Variants in C15orf61 observed in about 807,000 individuals in gnomAD.
C15orf61 encodes the protein uncharacterized protein C15orf61.
C15orf61 carries 12 observed loss-of-function variants against 13.7 expected under a neutral mutation model. The observed-to-expected ratio is 0.88, with a 90% CI of 0.56 to 1.42. C15orf61 has a LOEUF of 1.42. C15orf61 is among the 40% of genes most tolerant of loss of function. The pLI is 0.00. For missense variants in C15orf61, 248 were observed against 213.2 expected (o/e 1.16, Z -1.02); for synonymous variants, 92 against 94.1 (o/e 0.98, Z 0.13).
At chr15:67,522,361 C>G (rs1311188083) in intron 1 of C15orf61, 2 of 649,622 alleles carry the variant, frequency 3.1e-6, no homozygotes, top group Non-Finnish European at 5.5e-6. Context: ...GATTCAAAAT[C>G]TAGCCATGGA....
chr15:67,525,836 AC>A lies in C15orf61; in HGVS notation c.347-578del, dbSNP rs1357226765. Among the ~76,000 whole-genome samples, 1 of 152,146 alleles carries A rather than the reference AC, an allele frequency of 6.6e-6. No individual in the cohort carries two copies. The highest frequency in any genetic ancestry group is 2.4e-5 in the African/African-American group (1 of 41,438). ...AGACCATCCTGGCCAACATGGTGAA[AC>A]CCCATCTCTACTAAAAAAGTACAAA... On this transcript the variant is annotated intron_variant, in intron 1 of 1. Coordinates refer to ENST00000342683, the MANE Select transcript of C15orf61 (RefSeq NM_001143936.2). The surrounding 1 kb of genome is among the most constrained non-coding windows in gnomAD (Gnocchi z 4.9).
In C15orf61 at chr15:67,522,067, A is replaced by G. The variant is rs1445887453; in HGVS notation, c.346+473A>G. On this transcript the variant is annotated intron_variant, in intron 1 of 1. Coordinates refer to ENST00000342683, the MANE Select transcript of C15orf61 (RefSeq NM_001143936.2). Reference sequence around the variant, plus strand: ...GTTTTCTTTGTATGAATTCCCGGCAAGTTCGTTTTACTAAAAGCACCAAAG... The same window carrying G: ...GTTTTCTTTGTATGAATTCCCGGCAGGTTCGTTTTACTAAAAGCACCAAAG... 28 of 701,200 alleles carry G rather than the reference A, an allele frequency of 4.0e-5. No homozygotes were observed. In the East Asian group the frequency reaches 6.7e-4, roughly 17 times the overall value. The allele number at this position is 701,200 out of a possible 1,614,324, so 43.4% of individuals were successfully genotyped here. A position where few individuals can be genotyped will look rare whatever the true frequency, so the allele number is the denominator to read the frequency against.
Position 67,526,352 on chromosome 15 carries a change from A to G in C15orf61, c.347-66A>G, listed in dbSNP as rs908168305. The G allele has an allele frequency of 4.9e-6, 5 of 1,019,482 alleles. No individual in the cohort carries two copies. The African/African-American group carries it at 8.1e-5, about 17-fold the overall frequency. 63.2% of individuals were successfully genotyped at this position (1,019,482 alleles called of 1,614,324 possible). ...TTTGTTAACATTGCTGAAGAGTGTT[A>G]TACGTGATCAGTAACTTGCATGATT... On this transcript the variant is annotated intron_variant, in intron 1 of 1. Transcript: ENST00000342683.
At chr15:67,521,750 C>G in intron 1 of C15orf61, 156 bp downstream of exon 1, 1 of 793,608 alleles carries the variant, frequency 1.3e-6, no homozygotes, top group East Asian at 2.7e-5. Flanking sequence ...CTTTGTACTC[C>G]TCGCCCAGGG....
In C15orf61 at chr15:67,529,813, C is replaced by A. The variant is rs896338439; in HGVS notation, c.*3268C>A. 2.6e-5 allele frequency: 4 copies of A among 152,218 alleles called. No individual in the cohort carries two copies. Among genetic ancestry groups the A allele is most frequent in the African/African-American group, 9.6e-5 (4 of 41,452 alleles). 9.4% of individuals were successfully genotyped at this position (152,218 alleles called of 1,614,324 possible). A position where few individuals can be genotyped will look rare whatever the true frequency, so the allele number is the denominator to read the frequency against. ...ACCCAAAACTGTAAGCATAGAACAT[C>A]TATAGTTCTTCATGAAATATCTTTT... is the stretch of plus-strand genomic sequence containing the variant. On this transcript the variant is annotated 3_prime_UTR_variant, in exon 2 of 2. Transcript: ENST00000342683. This position sits in a 1 kb window ranked among gnomAD's most constrained non-coding sequence, Gnocchi z 4.4.
chr15:67,522,417 A>G (rs569013306), intron 1 of C15orf61, among the ~76,000 whole-genome samples: 1 of 152,360 alleles, frequency 6.6e-6, no homozygotes, highest in South Asian at 2.1e-4. Context: ...AGCCAGGATT[A>G]AAACTAAACC....
Position 67,526,445 on chromosome 15 carries a change from G to T in C15orf61, c.374G>T (p.Gly125Val). 3 of 1,533,456 alleles carry T rather than the reference G, an allele frequency of 2.0e-6. No homozygotes were observed. Among genetic ancestry groups the T allele is most frequent in the Non-Finnish European group, 2.7e-6 (3 of 1,131,320 alleles). 95.0% of individuals were successfully genotyped at this position (1,533,456 alleles called of 1,614,324 possible). A position where few individuals can be genotyped will look rare whatever the true frequency, so the allele number is the denominator to read the frequency against. ...ATTCCAACTTTATTATATGGACTTG[G>T]CTCCTGGTTATTTGCCAGAGTCACA... ...LGIPTLLYGL[G>V]SWLFARVTET... The change falls in exon 2 of 2, where the codon GGC (glycine) becomes GTC (valine). Residue 125 changes from glycine to valine, a missense_variant. By Grantham distance (109) the Gly-to-Val change is moderately radical (BLOSUM62 -3). Coordinates refer to ENST00000342683, the MANE Select transcript of C15orf61 (RefSeq NM_001143936.2).
At chr15:67,524,398 T>C (rs1256780202) in intron 1 of C15orf61, among the ~76,000 whole-genome samples, 4 of 152,166 alleles carry the variant, frequency 2.6e-5, no homozygotes, top group Non-Finnish European at 5.9e-5. Flanking sequence ...CCTTTTTTTT[T>C]CTTTGTGGTT....
chr15:67,523,896 A>G (rs1049385687), intron 1 of C15orf61, among the ~76,000 whole-genome samples: 2 of 152,230 alleles, frequency 1.3e-5, no homozygotes, highest in African/African-American at 4.8e-5. Context: ...GACTCAGATC[A>G]TAACTCCATC....
At chr15:67,523,397 C>T (rs2084179905) in intron 1 of C15orf61, among the ~76,000 whole-genome samples, 1 of 152,190 alleles carries the variant, frequency 6.6e-6, no homozygotes, top group East Asian at 1.9e-4. Context: ...TCTTCCCTTC[C>T]AAATTCATTT....
In C15orf61 at chr15:67,526,652, C is replaced by A; in HGVS notation, c.*107C>A. ...AACTTTTGCAAATACTTTTTTCTTT[C>A]TACAGTATCTGCTTCTTTAAGATGA... On this transcript the variant is annotated 3_prime_UTR_variant, in exon 2 of 2. Coordinates refer to ENST00000342683, the MANE Select transcript of C15orf61 (RefSeq NM_001143936.2). The A allele has an allele frequency of 1.8e-6, 2 of 1,127,342 alleles. No individual in the cohort carries two copies. Among genetic ancestry groups the A allele is most frequent in the Non-Finnish European group, 2.4e-6 (2 of 842,966 alleles). The allele number at this position is 1,127,342 out of a possible 1,614,324, so 69.8% of individuals were successfully genotyped here. A position where few individuals can be genotyped will look rare whatever the true frequency, so the allele number is the denominator to read the frequency against.
rs747957016 is a variant in C15orf61 at position 67,527,476 on chromosome 15, G to A, written c.*931G>A. 8 of 152,022 alleles carry A rather than the reference G, an allele frequency of 5.3e-5. No homozygotes were observed. Among genetic ancestry groups the A allele is most frequent in the Admixed American group, 2.0e-4 (3 of 15,266 alleles). The allele number at this position is 152,022 out of a possible 1,614,324, so 9.4% of individuals were successfully genotyped here. A position where few individuals can be genotyped will look rare whatever the true frequency, so the allele number is the denominator to read the frequency against. ...GTAGTCACAAAATACCCAGATGAAT[G>A]GTAAATTTCAGACATTTGGAGTAAT... On this transcript the variant is annotated 3_prime_UTR_variant, in exon 2 of 2. Transcript: ENST00000342683.
Position 67,523,801 on chromosome 15 carries a change from A to G in C15orf61, c.346+2207A>G, listed in dbSNP as rs572811670. ...AAAGATTTTGTAATATATAAGTTAT[A>G]TAGGTGGCAAACCTTCCCATTTTGA... On this transcript the variant is annotated intron_variant, in intron 1 of 1. Transcript: ENST00000342683. Among the ~76,000 whole-genome samples, 51 of 152,342 alleles carry G rather than the reference A, an allele frequency of 3.3e-4. No homozygotes were observed. In the South Asian group the frequency reaches 0.011, roughly 32 times the overall value.
chr15:67,521,197 CTTGCGCGCCA>C lies in C15orf61; in HGVS notation c.-51_-42del. On this transcript the variant is annotated 5_prime_UTR_variant, in exon 1 of 2. Coordinates refer to ENST00000342683, the MANE Select transcript of C15orf61 (RefSeq NM_001143936.2). ...TTCCCGGCGCTCGCCCGGGGGCGCG[CTTGCGCGCCA>C]GCGGCTGCGGACACCAGCCTGCGTC... 1.7e-6 allele frequency: 2 copies of C among 1,156,012 alleles called. No individual in the cohort carries two copies. Among genetic ancestry groups the C allele is most frequent in the Non-Finnish European group, 1.1e-6 (1 of 927,232 alleles). The allele number at this position is 1,156,012 out of a possible 1,614,324, so 71.6% of individuals were successfully genotyped here.
At position 67,521,321 on chromosome 15, in the gene C15orf61, G is replaced by A. The variant is rs2084158568; in HGVS notation, c.73G>A (p.Ala25Thr). The A allele has an allele frequency of 6.5e-7, 1 of 1,528,098 alleles. No individual in the cohort carries two copies. The highest frequency in any genetic ancestry group is 1.4e-5 in the African/African-American group (1 of 72,498). The allele number at this position is 1,528,098 out of a possible 1,614,324, so 94.7% of individuals were successfully genotyped here. A position where few individuals can be genotyped will look rare whatever the true frequency, so the allele number is the denominator to read the frequency against. Residue 25 changes from alanine to threonine, a missense_variant, in exon 1 of 2, where the codon GCC becomes ACC. Transcript: ENST00000342683. ...GTGTAGGCCGTGGGCCTCGCGCGCC[G>A]CCGCCCGCCCCAAGCCCAGCGCCTC... ...LLCRPWASRA[A>T]ARPKPSASEV...
Position 67,521,348 on chromosome 15 carries a change from G to A in C15orf61, c.100G>A (p.Glu34Lys). The change falls in exon 1 of 2, where the codon GAG becomes AAG. Residue 34 changes from glutamate (E) to lysine (K), a missense_variant. By Grantham distance (56) the Glu-to-Lys change is moderately conservative. Transcript: ENST00000342683. ...CGCCCGCCCCAAGCCCAGCGCCTCG[G>A]AGGTGCTGACGCGGCATCTGCTGCA... is the stretch of plus-strand genomic sequence containing the variant. ...AAARPKPSAS[E>K]VLTRHLLQRR... 6.5e-7 allele frequency: 1 copy of A among 1,536,228 alleles called. No individual in the cohort carries two copies. The highest frequency in any genetic ancestry group is 8.7e-7 in the Non-Finnish European group (1 of 1,145,936).
chr15:67,526,182 G>A (rs964364414), intron 1 of C15orf61, among the ~76,000 whole-genome samples: 9 of 152,106 alleles, frequency 5.9e-5, no homozygotes, highest in Admixed American at 3.3e-4. Context: ...TGAAGTACTC[G>A]AATTAACATT....
intron 1 of C15orf61, 25 bp downstream of exon 1, chr15:67,521,619 G>C (rs1596527575): frequency 2.7e-6 from 4 of 1,482,730 alleles, no homozygotes; most frequent in Non-Finnish European, 3.6e-6. Context: ...CCGCGCCCAC[G>C]CGGTGAAGCC....
chr15:67,521,416 C>T lies in C15orf61; in HGVS notation c.168C>T (p.Ser56=), dbSNP rs1048387884. 3.9e-6 allele frequency: 6 copies of T among 1,544,804 alleles called. No individual in the cohort carries two copies. In the Admixed American group the frequency reaches 9.8e-5, roughly 25 times the overall value. The change falls in exon 1 of 2, where the codon AGC becomes AGT. Residue 56 remains serine (S), a synonymous_variant. Transcript: ENST00000342683. ...GGACCTCCTTCTGCGTGCCCTACAG[C>T]GCCGTCCGCAACGACCAGTTCGGCC... The part of the protein sequence containing the change: ...PHWTSFCVPY[S]AVRNDQFGLS...
Sources: gnomAD v4.1 joint callset for allele counts (sites outside exome capture counted in the v4.1 genomes callset) on GRCh38, gnomAD v4.1.1 for gene constraint, Gnocchi (gnomAD v3.1) non-coding constraint, MANE v1.5 for transcripts, NCBI Gene and HGNC (gene_info 2026-07-23, HGNC 2026-07-21) for gene names.